PBX1: variants seen among roughly 807,000 people sequenced by gnomAD.
PBX1 encodes the protein pre-B-cell leukemia transcription factor 1.
In PBX1, 6 loss-of-function variants were observed where a neutral mutation model predicts 53.4. That is an observed-to-expected ratio of 0.11 (90% CI 0.06 to 0.22). The LOEUF (loss-of-function observed/expected upper bound fraction) is 0.22. Ranked by LOEUF, PBX1 falls within the 10% of genes least tolerant of loss-of-function variation. The pLI is 1.00. For synonymous variants in PBX1, 204 were observed against 212.3 expected (o/e 0.96, Z 0.34); for missense variants, 251 against 551.4 (o/e 0.46, Z 5.46).
At chr1:164,653,502 G>A (rs1453540080) in intron 2 of PBX1, among the ~76,000 whole-genome samples, 1 of 152,118 alleles carries the variant, frequency 6.6e-6, no homozygotes, top group African/African-American at 2.4e-5. Flanking sequence ...GCTGAGCATG[G>A]TGCCTTACAC....
At chr1:164,611,302 A>G (rs1417429628) in intron 2 of PBX1, among the ~76,000 whole-genome samples, 2 of 152,056 alleles carry the variant, frequency 1.3e-5, no homozygotes, top group Admixed American at 1.3e-4. Context: ...CAGTGGCGCA[A>G]TCTCGGCTCA....
intron 2 of PBX1, among the ~76,000 whole-genome samples, chr1:164,882,544 C>G (rs1347863922): frequency 6.6e-6 from 1 of 152,110 alleles, no homozygotes; most frequent in Non-Finnish European, 1.5e-5. Flanking sequence ...CCCTCAGTAC[C>G]AAGGGCTAGA....
In PBX1 at chr1:164,846,985, A is replaced by C; in HGVS notation, c.*309A>C. The C allele has an allele frequency of 1.7e-6, 2 of 1,204,832 alleles. No homozygotes were observed. The highest frequency in any genetic ancestry group is 3.8e-5 in the Admixed American group (1 of 26,518). 74.6% of individuals were successfully genotyped at this position (1,204,832 alleles called of 1,614,324 possible). ...ACTCCCGGGGTCCCCGCCCTCTCTC[A>C]TATCACTGAAGGATATTTTCAACAA... On this transcript the variant is annotated 3_prime_UTR_variant, in exon 9 of 9. Transcript: ENST00000420696.
chr1:164,782,770 A>G (rs1473937952), intron 2 of PBX1, among the ~76,000 whole-genome samples: 1 of 152,206 alleles, frequency 6.6e-6, no homozygotes, highest in Non-Finnish European at 1.5e-5. Flanking sequence ...CAGTAGTGAC[A>G]ACGGCAGCGG....
intron 2 of PBX1, among the ~76,000 whole-genome samples, chr1:164,578,569 T>C (rs987511002): frequency 1.3e-5 from 2 of 152,088 alleles, no homozygotes; most frequent in Admixed American, 6.6e-5. Context: ...TATGTGTGAG[T>C]TGTGGCCCTT....
chr1:164,881,332 AGAAGGAAGGAAGGAAG>A (rs10615739), intron 2 of PBX1, among the ~76,000 whole-genome samples: 3 of 103,892 alleles, frequency 2.9e-5, no homozygotes, highest in Non-Finnish European at 6.0e-5. Flanking sequence ...AAGGAGGAAA[AGAAGGAAGGAAGGAAG>A]GAAGGAAGGA....
chr1:164,763,699 C>T (rs547266788), intron 2 of PBX1, among the ~76,000 whole-genome samples: 2 of 152,238 alleles, frequency 1.3e-5, no homozygotes, highest in African/African-American at 2.4e-5. Flanking sequence ...AAATCTTGAT[C>T]GTATTAATAA....
intron 2 of PBX1, among the ~76,000 whole-genome samples, chr1:164,699,866 C>T (rs975357582): frequency 9.2e-5 from 14 of 152,142 alleles, no homozygotes; most frequent in Non-Finnish European, 1.8e-4. Flanking sequence ...TTATTTTCCT[C>T]AGTTGCTGCT....
intron 2 of PBX1, among the ~76,000 whole-genome samples, chr1:164,768,738 GTCA>G (rs1667206267): frequency 6.6e-6 from 1 of 152,176 alleles, no homozygotes; most frequent in Non-Finnish European, 1.5e-5. Flanking sequence ...CTGGAATGTT[GTCA>G]ACCTACTTGT....
chr1:164,612,168 G>C (rs1656979085), intron 2 of PBX1, among the ~76,000 whole-genome samples: 1 of 152,148 alleles, frequency 6.6e-6, no homozygotes, highest in Admixed American at 6.5e-5. Context: ...ACTGAAGTTG[G>C]TAGGTTGTAA....
At position 164,654,425 on chromosome 1, in the gene PBX1, G is replaced by A. The variant is rs561129348; in HGVS notation, c.265+91114G>A. On this transcript the variant is annotated intron_variant, in intron 2 of 8. Coordinates refer to ENST00000420696, the MANE Select transcript of PBX1 (RefSeq NM_002585.4). ...TCATTGATTTTAAACTTACTATGTC[G>A]TGTGATTATCTCATCGCTGATGGCC... Among the ~76,000 whole-genome samples the A allele has an allele frequency of 6.1e-4, 93 of 152,276 alleles. 1 individual carries two copies. The highest frequency in any genetic ancestry group is 3.0e-3 in the Admixed American group (46 of 15,292).
At chr1:164,689,010 G>A (rs531911659) in intron 2 of PBX1, among the ~76,000 whole-genome samples, 4 of 152,336 alleles carry the variant, frequency 2.6e-5, no homozygotes, top group African/African-American at 4.8e-5. Flanking sequence ...CCTTGGTGCC[G>A]CAGGCCACGC....
At chr1:164,868,100 A>G (rs1470033911) in intron 2 of PBX1, among the ~76,000 whole-genome samples, 2 of 152,218 alleles carry the variant, frequency 1.3e-5, no homozygotes, top group East Asian at 1.9e-4. Context: ...GAATACGGAG[A>G]AAGAGAGAAA....
intron 2 of PBX1, among the ~76,000 whole-genome samples, chr1:164,754,459 T>G (rs1030631823): frequency 1.3e-5 from 2 of 152,236 alleles, no homozygotes; most frequent in African/African-American, 4.8e-5. Flanking sequence ...TGTTATTAAT[T>G]GAATACTCTC....
chr1:164,668,827 G>T (rs530328605), intron 2 of PBX1, among the ~76,000 whole-genome samples: 2 of 152,132 alleles, frequency 1.3e-5, no homozygotes, highest in African/African-American at 2.4e-5. Context: ...TGAATGGGCC[G>T]CATTTGCATA....
At chr1:164,575,378 A>C (rs1654147221) in intron 2 of PBX1, among the ~76,000 whole-genome samples, 1 of 152,228 alleles carries the variant, frequency 6.6e-6, no homozygotes, top group Admixed American at 6.5e-5. Context: ...AAGTGTGGTC[A>C]GTAAGTATGA....
chr1:164,793,997 C>G (rs2102306609), intron 3 of PBX1, among the ~76,000 whole-genome samples: 1 of 151,510 alleles, frequency 6.6e-6, no homozygotes, highest in African/African-American at 2.4e-5. Context: ...GCCTCAGCCT[C>G]CTGAGTAGCT....
intron 2 of PBX1, among the ~76,000 whole-genome samples, chr1:164,662,731 C>T (rs537412143): frequency 5.3e-5 from 8 of 152,188 alleles, no homozygotes; most frequent in African/African-American, 1.9e-4. Context: ...CCCGTAATTG[C>T]CTAGAGTTTG....
chr1:164,876,964 G>C (rs1419146973), intron 2 of PBX1, among the ~76,000 whole-genome samples: 1 of 152,176 alleles, frequency 6.6e-6, no homozygotes, highest in African/African-American at 2.4e-5. Flanking sequence ...GCCTCGTTCA[G>C]CCCTTTCTTT....
Sources: allele counts gnomAD v4.1 joint callset (sites outside exome capture counted in the v4.1 genomes callset), GRCh38; gene constraint gnomAD v4.1.1; transcripts MANE v1.5; gene names NCBI Gene and HGNC (gene_info 2026-07-23, HGNC 2026-07-21).